The following COBL variants were observed in gnomAD, a reference collection of about 807,000 sequenced individuals.
The protein encoded by COBL is cordon-bleu WH2 repeat protein.
COBL carries 51 observed loss-of-function variants against 98.8 expected under a neutral mutation model. The ratio of observed to expected loss-of-function variants is 0.52; its 90% CI spans 0.41 to 0.65. The LOEUF is 0.65. COBL is among the 30% of genes least tolerant of loss of function. The pLI is 0.00. For missense variants in COBL, 1,617 were observed against 1,617.5 expected, an observed-to-expected ratio of 1.00 and a Z score of 0.01; for synonymous variants, 634 against 651.7, an observed-to-expected ratio of 0.97 and a Z score of 0.41.
At chr7:51,247,382 C>T (rs1421503349) in intron 1 of COBL, among the ~76,000 whole-genome samples, 1 of 152,174 alleles carries the variant, frequency 6.6e-6, no homozygotes, top group East Asian at 1.9e-4. Flanking sequence ...GACAGGATCT[C>T]CTGAGGTTCC....
intron 4 of COBL, among the ~76,000 whole-genome samples, chr7:51,187,750 C>T (rs997074170): frequency 1.3e-5 from 2 of 152,148 alleles, no homozygotes; most frequent in Non-Finnish European, 2.9e-5. Flanking sequence ...AGAAACCAAA[C>T]CAAAATCTCA....
chr7:51,173,538 A>C (rs2129045146), intron 5 of COBL, among the ~76,000 whole-genome samples: 1 of 152,270 alleles, frequency 6.6e-6, no homozygotes, highest in Non-Finnish European at 1.5e-5. Flanking sequence ...ACACAGAAAA[A>C]TTTCACCAAA....
Position 51,259,766 on chromosome 7 carries a change from T to G in COBL, c.42-39822A>C, listed in dbSNP as rs10266150. 0.016 allele frequency: 11,735 copies of G among 748,296 alleles called. 863 individuals carry two copies. In the African/African-American group the frequency reaches 0.17, roughly 11 times the overall value. 46.4% of individuals were successfully genotyped at this position (748,296 alleles called of 1,614,324 possible). On this transcript the variant is annotated intron_variant, in intron 1 of 12. Transcript: ENST00000265136. ...TGGAAATACCCAGATCACATAAGTTTCCACTATGGGCAGCATTTTTAGGTT... is the reference window on the plus strand; with the variant it reads ...TGGAAATACCCAGATCACATAAGTTGCCACTATGGGCAGCATTTTTAGGTT...
At chr7:51,020,076 G>A (rs548441391) in intron 12 of COBL, among the ~76,000 whole-genome samples, 1 of 152,318 alleles carries the variant, frequency 6.6e-6, no homozygotes, top group Admixed American at 6.5e-5. Context: ...TGAGGGCCCA[G>A]ACAAGAGACT....
At chr7:51,174,040 A>C (rs1788125479) in intron 5 of COBL, among the ~76,000 whole-genome samples, 1 of 152,148 alleles carries the variant, frequency 6.6e-6, no homozygotes, top group South Asian at 2.1e-4. Context: ...GTTCACTGAG[A>C]CCTCTGCAGA....
intron 5 of COBL, among the ~76,000 whole-genome samples, chr7:51,148,884 C>G (rs73316842): frequency 6.6e-6 from 1 of 151,956 alleles, no homozygotes; most frequent in African/African-American, 2.4e-5. Flanking sequence ...ATCATTTACT[C>G]TGTGTGTGTG....
Position 51,029,739 on chromosome 7 carries a change from T to A in COBL, c.1505-148A>T, listed in dbSNP as rs1034139292. On this transcript the variant is annotated intron_variant, in intron 9 of 12. Coordinates refer to ENST00000265136, the MANE Select transcript of COBL (RefSeq NM_015198.5). ...ATGTTATTTGGGTTTGTAATCTACA[T>A]AATATGCCTGGGGCCAGAAGCTCAA... The A allele has an allele frequency of 3.8e-5, 25 of 659,506 alleles. No individual in the cohort carries two copies. In the South Asian group the frequency reaches 5.1e-4, roughly 13 times the overall value. 40.9% of individuals were successfully genotyped at this position (659,506 alleles called of 1,614,324 possible). A position where few individuals can be genotyped will look rare whatever the true frequency, so the allele number is the denominator to read the frequency against.
chr7:51,149,490 A>G (rs1470543127), intron 5 of COBL, among the ~76,000 whole-genome samples: 1 of 152,256 alleles, frequency 6.6e-6, no homozygotes. Context: ...ACTTGCAAAA[A>G]TAAGCAAATA....
intron 2 of COBL, among the ~76,000 whole-genome samples, chr7:51,216,413 C>T (rs945847570): frequency 6.6e-6 from 1 of 152,100 alleles, no homozygotes; most frequent in African/African-American, 2.4e-5. Flanking sequence ...TCAGGTGATC[C>T]GCCCACCTCA....
At chr7:51,270,102 T>G (rs1798619513) in intron 1 of COBL, among the ~76,000 whole-genome samples, 1 of 152,212 alleles carries the variant, frequency 6.6e-6, no homozygotes, top group South Asian at 2.1e-4. Flanking sequence ...TGTTGTTGCA[T>G]GAGCACTTTT....
intron 1 of COBL, among the ~76,000 whole-genome samples, chr7:51,252,383 C>T (rs548552470): frequency 1.4e-4 from 22 of 152,160 alleles, no homozygotes; most frequent in African/African-American, 5.1e-4. Flanking sequence ...TTTTTTCTTC[C>T]AATCTCCCCA....
At chr7:51,247,575 T>C (rs1796362733) in intron 1 of COBL, among the ~76,000 whole-genome samples, 1 of 152,170 alleles carries the variant, frequency 6.6e-6, no homozygotes, top group Admixed American at 6.5e-5. Context: ...AAGGTGACTA[T>C]GGAAGCATCT....
chr7:51,072,770 G>A (rs923584358), intron 7 of COBL: 1 of 152,206 alleles, frequency 6.6e-6, no homozygotes, highest in Non-Finnish European at 1.5e-5. Context: ...AGTGAACTAT[G>A]TAAAATGGCA....
intron 6 of COBL, among the ~76,000 whole-genome samples, chr7:51,117,292 A>AT (rs1335588355): frequency 4.0e-5 from 6 of 151,862 alleles, no homozygotes; most frequent in Non-Finnish European, 8.8e-5. Flanking sequence ...TTTTTCAAAT[A>AT]TTTTTTTCTC....
chr7:51,112,789 T>C (rs1401823554), intron 6 of COBL, among the ~76,000 whole-genome samples: 1 of 152,146 alleles, frequency 6.6e-6, no homozygotes, highest in African/African-American at 2.4e-5. Context: ...GAAGGCACAA[T>C]CAGGTTTCTC....
intron 1 of COBL, among the ~76,000 whole-genome samples, chr7:51,290,849 C>G (rs978145615): frequency 1.3e-4 from 20 of 152,192 alleles, no homozygotes; most frequent in African/African-American, 4.8e-4. Context: ...GTGCCACTCC[C>G]TGAAGCAGGG....
chr7:51,061,669 T>C (rs903328286), intron 7 of COBL, among the ~76,000 whole-genome samples: 2 of 152,122 alleles, frequency 1.3e-5, no homozygotes, highest in Non-Finnish European at 2.9e-5. Flanking sequence ...GTAAGGAAGA[T>C]GTGCCCTTAC....
intron 1 of COBL, among the ~76,000 whole-genome samples, chr7:51,300,429 G>T (rs1424791230): frequency 6.6e-6 from 1 of 152,182 alleles, no homozygotes; most frequent in Non-Finnish European, 1.5e-5. Flanking sequence ...CCGAAGTGCT[G>T]GGATTATAGG....
intron 6 of COBL, among the ~76,000 whole-genome samples, chr7:51,130,398 A>G (rs944580218): frequency 6.6e-6 from 1 of 152,136 alleles, no homozygotes; most frequent in East Asian, 1.9e-4. Context: ...CCAATTCACC[A>G]CCACCACAAG....
Sources: gnomAD v4.1 joint callset for allele counts (sites outside exome capture counted in the v4.1 genomes callset) on GRCh38, gnomAD v4.1.1 for gene constraint, MANE v1.5 for transcripts, NCBI Gene and HGNC (gene_info 2026-07-23, HGNC 2026-07-21) for gene names.